ST6GALNAC3: variants seen among roughly 807,000 people sequenced by gnomAD.
ST6GALNAC3 encodes the protein ST6 N-acetylgalactosaminide alpha-2,6-sialyltransferase 3, also known as alpha-N-acetylgalactosaminide alpha-2,6-sialyltransferase 3.
In ST6GALNAC3, 25 loss-of-function variants were observed where a neutral mutation model predicts 32.7. The ratio of observed to expected loss-of-function variants is 0.76; its 90% CI spans 0.56 to 1.07. The LOEUF is 1.07. Among genes scored for constraint, ST6GALNAC3 ranks in the 50% least tolerant of loss-of-function variants. ST6GALNAC3 has a pLI of 0.00. For missense variants in ST6GALNAC3, 355 were observed against 382.4 expected (o/e 0.93, Z 0.60); for synonymous variants, 129 against 133.1 (o/e 0.97, Z 0.21).
At chr1:76,510,071 G>A (rs1661750473) in intron 3 of ST6GALNAC3, among the ~76,000 whole-genome samples, 1 of 152,182 alleles carries the variant, frequency 6.6e-6, no homozygotes, top group South Asian at 2.1e-4. Context: ...TGAGGGCTGA[G>A]ACTGATCCTG....
chr1:76,208,041 G>A (rs1427562606), intron 1 of ST6GALNAC3, among the ~76,000 whole-genome samples: 1 of 54,290 alleles, frequency 1.8e-5, no homozygotes, highest in East Asian at 2.4e-3. Context: ...ACTCAAGAGT[G>A]CCCCCCCCCC....
chr1:76,616,920 T>G (rs1160344868), intron 3 of ST6GALNAC3, among the ~76,000 whole-genome samples: 1 of 152,118 alleles, frequency 6.6e-6, no homozygotes, highest in Non-Finnish European at 1.5e-5. Flanking sequence ...AACGAGAAGG[T>G]CAGAGCTGCT....
intron 3 of ST6GALNAC3, among the ~76,000 whole-genome samples, chr1:76,585,262 T>C (rs966073482): frequency 6.6e-6 from 1 of 152,006 alleles, no homozygotes; most frequent in Admixed American, 6.6e-5. Context: ...GGCACGCACC[T>C]GTCATCCCAG....
At chr1:76,470,605 C>G (rs903463171) in intron 3 of ST6GALNAC3, among the ~76,000 whole-genome samples, 1 of 152,046 alleles carries the variant, frequency 6.6e-6, no homozygotes, top group Non-Finnish European at 1.5e-5. Context: ...AAAACCTTTT[C>G]AAACAGATTT....
intron 3 of ST6GALNAC3, among the ~76,000 whole-genome samples, chr1:76,440,006 G>T (rs1030809609): frequency 5.3e-5 from 8 of 152,210 alleles, no homozygotes; most frequent in African/African-American, 1.7e-4. Context: ...TATGTTACAT[G>T]TAGTAAAGAT....
At chr1:76,541,389 C>T (rs1663981161) in intron 3 of ST6GALNAC3, among the ~76,000 whole-genome samples, 1 of 152,252 alleles carries the variant, frequency 6.6e-6, no homozygotes, top group Non-Finnish European at 1.5e-5. Flanking sequence ...CTTAGAGGCT[C>T]AGCCCAAGTA....
intron 3 of ST6GALNAC3, among the ~76,000 whole-genome samples, chr1:76,469,918 G>T (rs1658904156): frequency 6.6e-6 from 1 of 152,092 alleles, no homozygotes; most frequent in South Asian, 2.1e-4. Context: ...TCAGCTAAGT[G>T]CTATGGAGGG....
chr1:76,166,383 T>A (rs914693792), intron 1 of ST6GALNAC3, among the ~76,000 whole-genome samples: 1 of 152,192 alleles, frequency 6.6e-6, no homozygotes, highest in African/African-American at 2.4e-5. Flanking sequence ...ACCAGTACTA[T>A]GCTGTTTGGT....
intron 3 of ST6GALNAC3, among the ~76,000 whole-genome samples, chr1:76,624,487 T>G (rs888736965): frequency 6.6e-6 from 1 of 151,852 alleles, no homozygotes; most frequent in African/African-American, 2.4e-5. Flanking sequence ...CCAGAATGAG[T>G]CAGGAGAGCT....
intron 3 of ST6GALNAC3, among the ~76,000 whole-genome samples, chr1:76,503,824 C>T (rs577153981): frequency 6.6e-6 from 1 of 152,316 alleles, no homozygotes; most frequent in African/African-American, 2.4e-5. Context: ...CAGAAGGCTT[C>T]CCTGACTACA....
intron 1 of ST6GALNAC3, among the ~76,000 whole-genome samples, chr1:76,112,324 A>G: frequency 7.7e-6 from 1 of 129,956 alleles, no homozygotes; most frequent in Non-Finnish European, 1.6e-5. Flanking sequence ...GCGGCCGGGC[A>G]GAGGCGCCCC....
chr1:76,084,834 T>C (rs1049625223), intron 1 of ST6GALNAC3, among the ~76,000 whole-genome samples: 1 of 152,212 alleles, frequency 6.6e-6, no homozygotes, highest in Non-Finnish European at 1.5e-5. Context: ...GTTATAATAA[T>C]GACAGTAGCT....
chr1:76,112,107 G>C (rs1001829640), intron 1 of ST6GALNAC3, among the ~76,000 whole-genome samples: 4 of 145,004 alleles, frequency 2.8e-5, no homozygotes, highest in African/African-American at 1.0e-4. Flanking sequence ...GCGGCTGGCC[G>C]GGCGGGGGGC....
At chr1:76,075,286 T>C (rs2100704883) in intron 1 of ST6GALNAC3, among the ~76,000 whole-genome samples, 1 of 152,120 alleles carries the variant, frequency 6.6e-6, no homozygotes, top group South Asian at 2.1e-4. Flanking sequence ...GTGAGGGGCA[T>C]AGCGCTTTAA....
chr1:76,271,917 G>A (rs1385601034), intron 1 of ST6GALNAC3, among the ~76,000 whole-genome samples: 2 of 152,104 alleles, frequency 1.3e-5, no homozygotes, highest in African/African-American at 4.8e-5. Flanking sequence ...ATAAAGCTGA[G>A]AGAGACTTTA....
chr1:76,206,321 G>T (rs12024701), intron 1 of ST6GALNAC3, among the ~76,000 whole-genome samples: 82,051 of 151,916 alleles, frequency 0.54, 23,912 homozygotes, highest in East Asian at 0.88. Context: ...AGGCAGTGGG[G>T]GTGCGGAAAG....
intron 1 of ST6GALNAC3, among the ~76,000 whole-genome samples, chr1:76,292,993 T>C (rs1660185956): frequency 6.6e-6 from 1 of 152,204 alleles, no homozygotes; most frequent in African/African-American, 2.4e-5. Flanking sequence ...TCCTCAAGTC[T>C]TCTCTGTGCC....
intron 3 of ST6GALNAC3, among the ~76,000 whole-genome samples, chr1:76,610,500 A>G (rs1302799179): frequency 6.6e-6 from 1 of 152,138 alleles, no homozygotes; most frequent in Non-Finnish European, 1.5e-5. Flanking sequence ...CTCCATGAGT[A>G]TGTTGTCCCT....
rs533499709 is a variant in ST6GALNAC3, at chr1:76,406,996, ACACTATACTTATAGGTCT to A, written c.214-5010_214-4993del. On this transcript the variant is annotated intron_variant, in intron 2 of 4. Coordinates refer to ENST00000328299, the MANE Select transcript of ST6GALNAC3 (RefSeq NM_152996.4). ...TCATGTGTATATCAAAAATTCTACT[ACACTATACTTATAGGTCT>A]CTCTGGTGCTGTTTCTTCCCTTCCT... Among the ~76,000 whole-genome samples the A allele has an allele frequency of 3.0e-4, 46 of 152,178 alleles. 1 individual carries two copies. The South Asian group carries it at 3.5e-3, about 12-fold the overall frequency.
Sources: allele counts gnomAD v4.1 joint callset (sites outside exome capture counted in the v4.1 genomes callset), GRCh38; gene constraint gnomAD v4.1.1; transcripts MANE v1.5; gene names NCBI Gene and HGNC (gene_info 2026-07-23, HGNC 2026-07-21).